Variants in LRP1 observed in about 807,000 individuals in gnomAD.
The protein encoded by LRP1 is LDL receptor related protein 1.
In LRP1, 51 loss-of-function variants were observed where a neutral mutation model predicts 541.5. The ratio of observed to expected loss-of-function variants is 0.09; its 90% CI spans 0.08 to 0.12. The LOEUF is 0.12. Among genes scored for constraint, LRP1 ranks in the 10% least tolerant of loss-of-function variants. The pLI is 1.00. For synonymous variants in LRP1, 2,219 were observed against 2,470.8 expected (o/e 0.90, Z 3.02); for missense variants, 3,878 against 6,376.2 (o/e 0.61, Z 13.34).
chr12:57,153,808 G>A (rs926180831), intron 6 of LRP1, among the ~76,000 whole-genome samples: 1 of 151,942 alleles, frequency 6.6e-6, no homozygotes, highest in Non-Finnish European at 1.5e-5. Context: ...GTTAGCATGA[G>A]ATAACTAGAT....
At chr12:57,209,355 C>T (rs1000135235) in intron 79 of LRP1, among the ~76,000 whole-genome samples, 156 bp downstream of exon 79, 5 of 152,286 alleles carry the variant, frequency 3.3e-5, no homozygotes, top group African/African-American at 1.2e-4. Flanking sequence ...TGGCCTCCCC[C>T]TGAACCAGCC....
chr12:57,130,183 C>T, intron 1 of LRP1, among the ~76,000 whole-genome samples: 1 of 152,114 alleles, frequency 6.6e-6, no homozygotes, highest in Non-Finnish European at 1.5e-5. Flanking sequence ...TCATCCCCTC[C>T]TGTCATCTTA....
intron 31 of LRP1, 63 bp downstream of exon 31, chr12:57,180,204 A>G (rs980416382): frequency 1.9e-6 from 3 of 1,578,450 alleles, no homozygotes; most frequent in African/African-American, 1.3e-5. Context: ...AGGTGCTTGC[A>G]GGGTCCTTCA....
chr12:57,200,134 C>A, intron 62 of LRP1, 109 bp downstream of exon 62: 1 of 930,994 alleles, frequency 1.1e-6, no homozygotes, highest in Non-Finnish European at 1.6e-6. Context: ...TCTGGTTTTC[C>A]CACACTAACA....
At chr12:57,150,576 C>T (rs2035508092) in intron 6 of LRP1, among the ~76,000 whole-genome samples, 1 of 152,140 alleles carries the variant, frequency 6.6e-6, no homozygotes, top group African/African-American at 2.4e-5. Context: ...CCCCAAATGG[C>T]CCACCTGGAG....
At chr12:57,166,482 G>A (rs2035842284) in intron 17 of LRP1, 2 of 442,858 alleles carry the variant, frequency 4.5e-6, no homozygotes. Context: ...GATCACTTGA[G>A]CCTGGGAGGT....
At position 57,173,823 on chromosome 12, in the gene LRP1, CTG is replaced by C. The variant is rs1320899045; in HGVS notation, c.3393_3394del (p.Cys1131Ter). On this transcript the variant is annotated frameshift_variant, in exon 22 of 89. Coordinates refer to ENST00000243077, the MANE Select transcript of LRP1 (RefSeq NM_002332.3). LOFTEE classifies it high-confidence loss of function. This position sits in a 1 kb window ranked among gnomAD's most constrained non-coding sequence, Gnocchi z 4.7. ...KAWVCDGDND[C>X]EDNSDEENCE... ...CGTGGGTGTGTGATGGCGACAATGA[CTG>C]TGAGGATAACTCGGACGAGGAGAAC... The C allele has an allele frequency of 6.2e-7, 1 of 1,614,236 alleles. No homozygotes were observed.
chr12:57,148,970 T>G (rs1351623673), intron 6 of LRP1: 4 of 616,968 alleles, frequency 6.5e-6, no homozygotes, highest in Non-Finnish European at 1.2e-5. Context: ...TTTATTTATT[T>G]ATTTTTTTAG....
rs201572770 is a variant in LRP1, at chr12:57,154,196, C to G, written c.842-12C>G. 2 of 1,607,018 alleles carry G rather than the reference C, an allele frequency of 1.2e-6. No individual in the cohort carries two copies. The highest frequency in any genetic ancestry group is 1.7e-6 in the Non-Finnish European group (2 of 1,174,386). ...TACCCCACCCCATGGCTCTTTCATTCGTACTCTCCAGACGTGGAACAGATG... is the reference window on the plus strand; with the variant it reads ...TACCCCACCCCATGGCTCTTTCATTGGTACTCTCCAGACGTGGAACAGATG... On this transcript the variant is annotated splice_polypyrimidine_tract_variant and intron_variant, in intron 6 of 88. Transcript: ENST00000243077. This position sits in a 1 kb window ranked among gnomAD's most constrained non-coding sequence, Gnocchi z 4.6.
At position 57,179,595 on chromosome 12, in the gene LRP1, C is replaced by T; in HGVS notation, c.4966+39C>T. 6.4e-7 allele frequency: 1 copy of T among 1,559,416 alleles called. No homozygotes were observed. The highest frequency in any genetic ancestry group is 8.8e-7 in the Non-Finnish European group (1 of 1,133,144). ...CTGGATGCCCACCAGTGGACATGGG[C>T]ACCTCCACCCGCCCCTTGCTCCCAA... On this transcript the variant is annotated intron_variant, in intron 29 of 88. Coordinates refer to ENST00000243077, the MANE Select transcript of LRP1 (RefSeq NM_002332.3). This position sits in a 1 kb window ranked among gnomAD's most constrained non-coding sequence, Gnocchi z 6.8.
rs988792071 is a variant in LRP1, at chr12:57,154,812, G to A, written c.1227+111G>A. ...TTCTCTGAGTCTCCTGGTAAAGAGCGTGGATGCCCCAGGCCTCTAGTGGGA... is the reference window on the plus strand; with the variant it reads ...TTCTCTGAGTCTCCTGGTAAAGAGCATGGATGCCCCAGGCCTCTAGTGGGA... On this transcript the variant is annotated intron_variant, in intron 8 of 88. Transcript: ENST00000243077. The surrounding 1 kb of genome is among the most constrained non-coding windows in gnomAD (Gnocchi z 4.6). The A allele has an allele frequency of 2.0e-5, 20 of 1,006,596 alleles. No homozygotes were observed. The highest frequency in any genetic ancestry group is 4.0e-5 in the Admixed American group (2 of 50,210). 62.4% of individuals were successfully genotyped at this position (1,006,596 alleles called of 1,614,324 possible).
chr12:57,168,766 G>A (rs1240935830), intron 19 of LRP1, among the ~76,000 whole-genome samples: 2 of 152,136 alleles, frequency 1.3e-5, no homozygotes, highest in Non-Finnish European at 2.9e-5. Flanking sequence ...AGCCGGCCAC[G>A]CCTGCACCCC....
At chr12:57,149,399 A>C (rs945071157) in intron 6 of LRP1, 2 of 551,344 alleles carry the variant, frequency 3.6e-6, no homozygotes, top group Admixed American at 6.5e-5. Context: ...CTCCCGGCCC[A>C]GATCCAGCCC....
At position 57,212,027 on chromosome 12, in the gene LRP1, A is replaced by G. The variant is rs545951588; in HGVS notation, c.13349+10A>G. 2.5e-5 allele frequency: 41 copies of G among 1,614,082 alleles called. No individual in the cohort carries two copies. The South Asian group carries it at 2.9e-4, about 11-fold the overall frequency. ...AGCGGCGAGTCCAAGGGTGAGTCAC[A>G]GGGATTCTGGAACATTCTGGTCATT... is the stretch of plus-strand genomic sequence containing the variant. On this transcript the variant is annotated intron_variant, in intron 87 of 88. Transcript: ENST00000243077. This position sits in a 1 kb window ranked among gnomAD's most constrained non-coding sequence, Gnocchi z 5.0.
chr12:57,205,803 T>C lies in LRP1; in HGVS notation c.11590+126T>C. On this transcript the variant is annotated intron_variant, in intron 75 of 88. Transcript: ENST00000243077. This position sits in a 1 kb window ranked among gnomAD's most constrained non-coding sequence, Gnocchi z 4.6. ...GCCCAGACAAGAAGCCCCAGACTCATAGTTGCAGCTGCCTGAGCACAGTGC... is the reference window on the plus strand; with the variant it reads ...GCCCAGACAAGAAGCCCCAGACTCACAGTTGCAGCTGCCTGAGCACAGTGC... 1 of 1,371,514 alleles carries C rather than the reference T, an allele frequency of 7.3e-7. No individual in the cohort carries two copies. The highest frequency in any genetic ancestry group is 2.5e-5 in the East Asian group (1 of 40,572). The allele number at this position is 1,371,514 out of a possible 1,614,324, so 85.0% of individuals were successfully genotyped here.
chr12:57,179,704 C>A lies in LRP1; in HGVS notation c.4967-78C>A. On this transcript the variant is annotated intron_variant, in intron 29 of 88. Coordinates refer to ENST00000243077, the MANE Select transcript of LRP1 (RefSeq NM_002332.3). The surrounding 1 kb of genome is among the most constrained non-coding windows in gnomAD (Gnocchi z 6.8). ...AGCCTGGTTTCCTGATCCCTTTTCT[C>A]CAGAAGGCACACTGGCTCCCCTCCT... 1 of 1,475,660 alleles carries A rather than the reference C, an allele frequency of 6.8e-7. No individual in the cohort carries two copies. Among genetic ancestry groups the A allele is most frequent in the Non-Finnish European group, 9.4e-7 (1 of 1,069,048 alleles). 91.4% of individuals were successfully genotyped at this position (1,475,660 alleles called of 1,614,324 possible). A position where few individuals can be genotyped will look rare whatever the true frequency, so the allele number is the denominator to read the frequency against.
chr12:57,205,722 G>C lies in LRP1; in HGVS notation c.11590+45G>C, dbSNP rs186461142. The C allele has an allele frequency of 6.3e-7, 1 of 1,597,294 alleles. No individual in the cohort carries two copies. The highest frequency in any genetic ancestry group is 1.3e-5 in the African/African-American group (1 of 74,844). On this transcript the variant is annotated intron_variant, in intron 75 of 88. Coordinates refer to ENST00000243077, the MANE Select transcript of LRP1 (RefSeq NM_002332.3). The surrounding 1 kb of genome is among the most constrained non-coding windows in gnomAD (Gnocchi z 4.6). ...GCAGAAAGGCTGGGTGGGGCAGGGC[G>C]ACCAGGATATCAAACGGGGCCGACT... is the stretch of plus-strand genomic sequence containing the variant.
Position 57,175,917 on chromosome 12 carries a change from A to G in LRP1, c.3802A>G (p.Lys1268Glu). 7 of 1,614,082 alleles carry G rather than the reference A, an allele frequency of 4.3e-6. No homozygotes were observed. The highest frequency in any genetic ancestry group is 5.1e-6 in the Non-Finnish European group (6 of 1,180,016). Residue 1268 changes from lysine (K) to glutamate (E), a missense_variant, in exon 24 of 89, where the codon AAG becomes GAG. Lys to Glu is a moderately conservative substitution (Grantham distance 56, BLOSUM62 1). This residue lies in a region of LRP1 where 320 missense variants were observed against 547.9 expected (regional missense o/e 0.58). Coordinates refer to ENST00000243077, the MANE Select transcript of LRP1 (RefSeq NM_002332.3). ...CATCCCTCCCATCCCAGACCCCTTC[A>G]AGCCGTTCATCATTTTCTCCAACCG... ...GESCRSLDPF[K>E]PFIIFSNRHE... is the part of the protein sequence containing the mutation.
chr12:57,173,502 T>A lies in LRP1; in HGVS notation c.3346+152T>A. On this transcript the variant is annotated intron_variant, in intron 21 of 88. Coordinates refer to ENST00000243077, the MANE Select transcript of LRP1 (RefSeq NM_002332.3). The surrounding 1 kb of genome is among the most constrained non-coding windows in gnomAD (Gnocchi z 4.7). ...GGCAAAAGGCAGTCCAGAGGAAGCT[T>A]GTGTGTCATGGGTGGGGGAAGGCAT... is the stretch of plus-strand genomic sequence containing the variant. 1.1e-6 allele frequency: 1 copy of A among 901,340 alleles called. No homozygotes were observed. The highest frequency in any genetic ancestry group is 1.7e-6 in the Non-Finnish European group (1 of 602,794). 55.8% of individuals were successfully genotyped at this position (901,340 alleles called of 1,614,324 possible).
Sources: allele counts gnomAD v4.1 joint callset (sites outside exome capture counted in the v4.1 genomes callset), GRCh38; gene constraint gnomAD v4.1.1; regional missense constraint gnomAD v4.1.1; non-coding constraint Gnocchi (gnomAD v3.1); transcripts MANE v1.5; gene names NCBI Gene and HGNC (gene_info 2026-07-23, HGNC 2026-07-21).